ARID4B: variants seen among roughly 807,000 people sequenced by gnomAD.
ARID4B encodes the protein AT-rich interactive domain-containing protein 4B.
ARID4B carries 26 observed loss-of-function variants against 147.5 expected under a neutral mutation model. The ratio of observed to expected loss-of-function variants is 0.18; its 90% confidence interval spans 0.13 to 0.24. ARID4B has a LOEUF of 0.24. Among genes scored for constraint, ARID4B ranks in the 10% least tolerant of loss-of-function variants. The probability of loss-of-function intolerance (pLI) is 1.00; values close to 1 mark genes in which losing one functional copy is unlikely to be tolerated. For synonymous variants in ARID4B, 512 were observed against 507.9 expected, an observed-to-expected ratio of 1.01 and a Z score of -0.11; for missense variants, 1,179 against 1,511.5, an observed-to-expected ratio of 0.78 and a Z score of 3.65.
chr1:235,309,609 C>A (rs1673897600), intron 2 of ARID4B, among the ~76,000 whole-genome samples: 1 of 148,850 alleles, frequency 6.7e-6, no homozygotes, highest in African/African-American at 2.5e-5. Context: ...GGCGCCTCTG[C>A]CCGGCCACCC....
chr1:235,265,456 T>A (rs1473817524), intron 2 of ARID4B, among the ~76,000 whole-genome samples: 1 of 151,986 alleles, frequency 6.6e-6, no homozygotes. Flanking sequence ...CCCAGCACTT[T>A]AGGAAGCCTA....
intron 1 of ARID4B, chr1:235,327,559 G>GTAAA (rs1308692341): frequency 1.3e-5 from 2 of 152,164 alleles, no homozygotes; most frequent in African/African-American, 4.8e-5. Context: ...CCCGACCGCG[G>GTAAA]CCGCTAAACC....
intron 8 of ARID4B, among the ~76,000 whole-genome samples, chr1:235,236,835 T>TAC (rs1391403353): frequency 3.1e-3 from 70 of 22,454 alleles, no homozygotes; most frequent in African/African-American, 5.9e-3. Flanking sequence ...TTATAAAAAA[T>TAC]ATATATATAT....
intron 7 of ARID4B, among the ~76,000 whole-genome samples, chr1:235,243,815 T>C (rs16832497): frequency 9.5e-4 from 144 of 152,294 alleles, no homozygotes; most frequent in African/African-American, 3.3e-3. Context: ...TATACATACC[T>C]TCTTAGAAAC....
At chr1:235,192,130 A>C (rs951270189) in intron 19 of ARID4B, among the ~76,000 whole-genome samples, 1 of 152,214 alleles carries the variant, frequency 6.6e-6, no homozygotes, top group Non-Finnish European at 1.5e-5. Context: ...AAAATTACTT[A>C]GGAATATAAA....
chr1:235,238,127 G>A (rs1466523340), intron 8 of ARID4B, among the ~76,000 whole-genome samples: 1 of 118,646 alleles, frequency 8.4e-6, no homozygotes, highest in Non-Finnish European at 1.8e-5. Context: ...TGGGCAACAA[G>A]GGCGAAACTC....
chr1:235,237,565 T>G (rs1032900777), intron 8 of ARID4B, among the ~76,000 whole-genome samples: 1 of 152,214 alleles, frequency 6.6e-6, no homozygotes, highest in South Asian at 2.1e-4. Context: ...ATAAGACATG[T>G]TGACTAAAAA....
intron 2 of ARID4B, among the ~76,000 whole-genome samples, chr1:235,277,951 A>C (rs1245667250): frequency 2.0e-5 from 3 of 152,146 alleles, no homozygotes; most frequent in African/African-American, 4.8e-5. Flanking sequence ...CCAGTAATTA[A>C]TGGTTAAGTC....
At position 235,182,492 on chromosome 1, in the gene ARID4B, C is replaced by G. The variant is rs767906585; in HGVS notation, c.2427G>C (p.Lys809Asn). 1.2e-6 allele frequency: 2 copies of G among 1,613,386 alleles called. No homozygotes were observed. The highest frequency in any genetic ancestry group is 3.3e-5 in the Admixed American group (2 of 59,926). The change falls in exon 20 of 24, where the codon AAG (lysine) becomes AAC (asparagine). Residue 809 changes from lysine (K) to asparagine (N), a missense_variant. This residue lies in a region of ARID4B where 321 missense variants were observed against 342.4 expected (regional missense o/e 0.94). Transcript: ENST00000264183. The part of the protein sequence containing the change: ...EVTKKRKDVK[K>N]DTTDKSSKPQ... ...GTTTTGAAGATTTATCTGTTGTGTC[C>G]TTCTTGACATCCTTTCTCTTTTTTG...
chr1:235,192,584 T>C (rs1665188066), intron 19 of ARID4B, among the ~76,000 whole-genome samples: 1 of 152,154 alleles, frequency 6.6e-6, no homozygotes, highest in East Asian at 1.9e-4. Context: ...ACATCTACAA[T>C]AAGAAACAAA....
At chr1:235,255,608 TTTTC>T (rs1669934606) in intron 5 of ARID4B, 48 bp downstream of exon 5, 4 of 1,185,238 alleles carry the variant, frequency 3.4e-6, no homozygotes, top group Admixed American at 4.8e-5. Context: ...TTGTATTAAG[TTTTC>T]TTTGTGTAAC....
intron 2 of ARID4B, among the ~76,000 whole-genome samples, chr1:235,312,137 T>C (rs1265985291): frequency 6.6e-6 from 1 of 151,832 alleles, no homozygotes; most frequent in Non-Finnish European, 1.5e-5. Flanking sequence ...AATACAAAAA[T>C]TAGCTGGGCG....
At chr1:235,313,473 G>T (rs1674220762) in intron 2 of ARID4B, among the ~76,000 whole-genome samples, 1 of 151,948 alleles carries the variant, frequency 6.6e-6, no homozygotes, top group South Asian at 2.1e-4. Context: ...GGTTTAGCAG[G>T]GCTCCTACAG....
At chr1:235,296,424 CTG>C (rs1672710760) in intron 2 of ARID4B, 1 of 152,090 alleles carries the variant, frequency 6.6e-6, no homozygotes, top group Non-Finnish European at 1.5e-5. Flanking sequence ...AACAAAACCT[CTG>C]TAATTTTTCA....
intron 11 of ARID4B, among the ~76,000 whole-genome samples, chr1:235,225,518 C>G (rs1383691048): frequency 6.6e-6 from 1 of 152,180 alleles, no homozygotes; most frequent in African/African-American, 2.4e-5. Flanking sequence ...TTCATCCATT[C>G]AACAAACACT....
chr1:235,302,153 G>GAAAAAAAAAAAAAAAAAA (rs749154889), intron 2 of ARID4B, among the ~76,000 whole-genome samples: 1 of 30,664 alleles, frequency 3.3e-5, no homozygotes, highest in Non-Finnish European at 5.5e-5. Flanking sequence ...TCAAAAAACG[G>GAAAAAAAAAAAAAAAAAA]AAAAAAAAAA....
At position 235,326,314 on chromosome 1, in the gene ARID4B, A is replaced by G. The variant is rs187191109; in HGVS notation, c.6+600T>C. 2.0e-3 allele frequency among the ~76,000 whole-genome samples: 310 copies of G among 152,314 alleles called. 2 individuals carry two copies. The highest frequency in any genetic ancestry group is 7.2e-3 in the African/African-American group (299 of 41,566). On this transcript the variant is annotated intron_variant, in intron 2 of 23. Transcript: ENST00000264183. ...AGAGGAACCTGGCCATCAGTTTTCC[A>G]CACATCATAATGCAACAGAGCCTCT... is the stretch of plus-strand genomic sequence containing the variant.
At chr1:235,229,814 T>C (rs540314576) in intron 10 of ARID4B, among the ~76,000 whole-genome samples, 1 of 152,334 alleles carries the variant, frequency 6.6e-6, no homozygotes, top group South Asian at 2.1e-4. Flanking sequence ...CACACATGAT[T>C]TTTACATTTT....
At chr1:235,223,668 T>C (rs973428139) in intron 12 of ARID4B, among the ~76,000 whole-genome samples, 1 of 145,974 alleles carries the variant, frequency 6.9e-6, no homozygotes, top group Non-Finnish European at 1.5e-5. Flanking sequence ...TAAATAATGA[T>C]TCTATAGTAA....
Sources: gnomAD v4.1 joint callset for allele counts (sites outside exome capture counted in the v4.1 genomes callset) on GRCh38, gnomAD v4.1.1 for gene constraint, gnomAD v4.1.1 regional missense constraint, MANE v1.5 for transcripts, NCBI Gene and HGNC (gene_info 2026-07-23, HGNC 2026-07-21) for gene names.